The following TMEM229B variants were observed in gnomAD, a reference collection of about 807,000 sequenced individuals.
The protein encoded by TMEM229B is transmembrane protein 229B.
Under a neutral mutation model 13.7 loss-of-function variants are expected in TMEM229B, and 6 were observed. The observed-to-expected ratio is 0.44, with a 90% CI of 0.24 to 0.86. The LOEUF (loss-of-function observed/expected upper bound fraction) is 0.86. Among genes scored for constraint, TMEM229B ranks in the 40% least tolerant of loss-of-function variants. The pLI is 0.23. For synonymous variants in TMEM229B, 107 were observed against 102.1 expected (o/e 1.05, Z -0.29); for missense variants, 170 against 236.0 (o/e 0.72, Z 1.83).
chr14:67,490,002 A>G (rs1397071962), upstream of TMEM229B, among the ~76,000 whole-genome samples: 1 of 152,162 alleles, frequency 6.6e-6, no homozygotes, highest in East Asian at 1.9e-4. Flanking sequence ...AAAAAAAAAA[A>G]AAATTCTGTC....
rs998059001 is a variant in TMEM229B at position 67,470,673 on chromosome 14, G to T, written c.*2747C>A. The stretch of plus-strand genomic sequence containing the variant: ...AAAAGGGCTTCATGGGGACTCCCTA[G>T]GTATTATTGCTGTGAATAAGCATAG... On this transcript the variant is annotated 3_prime_UTR_variant, in exon 3 of 3. Transcript: ENST00000554480. The T allele has an allele frequency of 6.5e-6, 1 of 152,876 alleles. No homozygotes were observed. 9.5% of individuals were successfully genotyped at this position (152,876 alleles called of 1,614,324 possible). A position where few individuals can be genotyped will look rare whatever the true frequency, so the allele number is the denominator to read the frequency against.
chr14:67,504,802 T>C (rs932718101), intron 1 of TMEM229B, among the ~76,000 whole-genome samples: 2 of 152,260 alleles, frequency 1.3e-5, no homozygotes, highest in African/African-American at 4.8e-5. Context: ...GGAGAATCTC[T>C]TGAACTTGAG....
In TMEM229B at chr14:67,470,907, G is replaced by C. The variant is rs2030671494; in HGVS notation, c.*2513C>G. On this transcript the variant is annotated 3_prime_UTR_variant, in exon 3 of 3. Transcript: ENST00000554480. ...AGCACCCTTAATGCTTGGCAGGGCT[G>C]GGATTATTCCAAACTTTGAGTCCCT... is the stretch of plus-strand genomic sequence containing the variant. 1 of 152,288 alleles carries C rather than the reference G, an allele frequency of 6.6e-6. No homozygotes were observed. Among genetic ancestry groups the C allele is most frequent in the South Asian group, 2.1e-4 (1 of 4,824 alleles). The allele number at this position is 152,288 out of a possible 1,614,324, so 9.4% of individuals were successfully genotyped here.
chr14:67,503,644 G>A (rs1034559011), intron 1 of TMEM229B: 3 of 152,016 alleles, frequency 2.0e-5, no homozygotes, highest in Admixed American at 1.3e-4. Context: ...CCAATTATGT[G>A]ACTTGGACAT....
At chr14:67,500,861 G>T (rs2032581455) in intron 1 of TMEM229B, among the ~76,000 whole-genome samples, 1 of 151,844 alleles carries the variant, frequency 6.6e-6, no homozygotes, top group Admixed American at 6.6e-5. Flanking sequence ...ATGAGCCACC[G>T]CGCCTGGCCT....
chr14:67,512,201 C>T (rs2033050970), intron 1 of TMEM229B, among the ~76,000 whole-genome samples: 1 of 152,222 alleles, frequency 6.6e-6, no homozygotes, highest in Non-Finnish European at 1.5e-5. Context: ...AGTGTGACAA[C>T]TCTCAGTGGG....
chr14:67,487,292 G>A (rs1184017073), intron 1 of TMEM229B, 120 bp from the exon 2 acceptor site: 1 of 152,424 alleles, frequency 6.6e-6, no homozygotes, highest in Non-Finnish European at 1.5e-5. Context: ...CTGGCCACCA[G>A]GGCCCCTTCC....
At chr14:67,483,153 G>A (rs1017973661) in intron 2 of TMEM229B, among the ~76,000 whole-genome samples, 2 of 152,062 alleles carry the variant, frequency 1.3e-5, no homozygotes, top group Non-Finnish European at 2.9e-5. Flanking sequence ...TGGGATTATA[G>A]GTTCCTGCCA....
intron 1 of TMEM229B, among the ~76,000 whole-genome samples, chr14:67,525,599 C>T (rs936675272): frequency 8.5e-5 from 13 of 152,142 alleles, no homozygotes; most frequent in Non-Finnish European, 1.3e-4. Flanking sequence ...GCCATGTCAG[C>T]GAAAGGAGAT....
intron 2 of TMEM229B, among the ~76,000 whole-genome samples, chr14:67,477,684 G>GGAGGCA (rs1390678652): frequency 6.6e-6 from 1 of 152,232 alleles, no homozygotes; most frequent in East Asian, 1.9e-4. Flanking sequence ...TAGCACTTTG[G>GGAGGCA]GAGGCAGAGG....
upstream of TMEM229B, among the ~76,000 whole-genome samples, chr14:67,489,487 G>A (rs1210826022): frequency 1.3e-5 from 2 of 152,134 alleles, no homozygotes; most frequent in African/African-American, 2.4e-5. Context: ...GCTGCTGGGA[G>A]CGTGAAGAAG....
At position 67,527,404 on chromosome 14, in the gene TMEM229B, C is replaced by G. The variant is rs981022375; in HGVS notation, c.-192+6232G>C. Among the ~76,000 whole-genome samples, 3 of 152,166 alleles carry G rather than the reference C, an allele frequency of 2.0e-5. No homozygotes were observed. In the East Asian group the frequency reaches 5.8e-4, roughly 29 times the overall value. ...AGTGAGCCGATATCGCACCATTGCA[C>G]TCCAGCCTGGGCAACAAGAGTGAAA... is the stretch of plus-strand genomic sequence containing the variant. On this transcript the variant is annotated intron_variant, in intron 1 of 2. Transcript: ENST00000554278.
chr14:67,497,498 G>A (rs544873174), intron 1 of TMEM229B, among the ~76,000 whole-genome samples: 1 of 152,192 alleles, frequency 6.6e-6, no homozygotes, highest in Admixed American at 6.5e-5. Flanking sequence ...GTGGACACCT[G>A]GAATGCAATT....
intron 2 of TMEM229B, 60 bp from the exon 3 acceptor site, chr14:67,474,001 C>T: frequency 6.8e-7 from 1 of 1,466,986 alleles, no homozygotes; most frequent in South Asian, 1.4e-5. Flanking sequence ...GCCTATAATC[C>T]CTGCGCTTTG....
upstream of TMEM229B, among the ~76,000 whole-genome samples, chr14:67,492,437 C>T (rs1025060178): frequency 2.6e-5 from 4 of 152,204 alleles, no homozygotes; most frequent in South Asian, 4.1e-4. Context: ...CTTCTCCTGT[C>T]AGTCAGAAAA....
Position 67,472,101 on chromosome 14 carries a change from G to A in TMEM229B, c.*1319C>T, listed in dbSNP as rs2753607. On this transcript the variant is annotated 3_prime_UTR_variant, in exon 3 of 3. Coordinates refer to ENST00000554480, the MANE Select transcript of TMEM229B (RefSeq NM_001348543.2). ...GCAGGGTTAATACTGTTTAAGGAGT[G>A]AGCTCAAAGGGTCAGCCTTGCTGGG... The A allele has an allele frequency of 0.58, 88,240 of 152,230 alleles. 27,984 individuals are homozygous for A. The highest frequency in any genetic ancestry group is 0.85 in the African/African-American group (35,490 of 41,552). The allele number at this position is 152,230 out of a possible 1,614,324, so 9.4% of individuals were successfully genotyped here. A position where few individuals can be genotyped will look rare whatever the true frequency, so the allele number is the denominator to read the frequency against.
At position 67,498,500 on chromosome 14, in the gene TMEM229B, A is replaced by G. The variant is rs2032480314; in HGVS notation, c.-191-11328T>C. 2.6e-5 allele frequency among the ~76,000 whole-genome samples: 4 copies of G among 152,294 alleles called. No individual in the cohort carries two copies. The South Asian group carries it at 6.2e-4, about 24-fold the overall frequency. On this transcript the variant is annotated intron_variant, in intron 1 of 2. Coordinates refer to the TMEM229B transcript ENST00000357461. ...TTGAGGCATTATACTGACTCTTAAA[A>G]ACTTATATTTGCAAATATTTACTAA... is the stretch of plus-strand genomic sequence containing the variant.
At chr14:67,480,834 G>T (rs1295300567) in intron 2 of TMEM229B, among the ~76,000 whole-genome samples, 2 of 152,154 alleles carry the variant, frequency 1.3e-5, no homozygotes, top group African/African-American at 2.4e-5. Context: ...TCTCTGGGAT[G>T]GCCCAGACCG....
At chr14:67,492,373 C>T (rs1446880141), upstream of TMEM229B, among the ~76,000 whole-genome samples, 1 of 152,224 alleles carries the variant, frequency 6.6e-6, no homozygotes, top group Non-Finnish European at 1.5e-5. Flanking sequence ...ATGCAGATCC[C>T]ATCAGGCAGC....
Sources: allele counts gnomAD v4.1 joint callset (sites outside exome capture counted in the v4.1 genomes callset), GRCh38; gene constraint gnomAD v4.1.1; transcripts MANE v1.5; gene names NCBI Gene and HGNC (gene_info 2026-07-23, HGNC 2026-07-21).